Variants in ASXL3 observed in about 807,000 individuals in gnomAD.
ASXL3 encodes ASXL transcriptional regulator 3.
In ASXL3, 34 loss-of-function variants were observed where a neutral mutation model predicts 170.6. The observed-to-expected ratio is 0.20, with a 90% confidence interval of 0.15 to 0.27. The LOEUF (loss-of-function observed/expected upper bound fraction) is 0.27, where lower values mean the gene tolerates loss of function less well. ASXL3 is among the 10% of genes least tolerant of loss of function. The pLI, the probability that ASXL3 is intolerant of heterozygous loss-of-function variation, is 1.00. For missense variants in ASXL3, 2,592 were observed against 2,695.3 expected (o/e 0.96, Z 0.85); for synonymous variants, 1,002 against 989.1 (o/e 1.01, Z -0.24).
At chr18:33,613,747 C>A (rs2065374936) in intron 2 of ASXL3, among the ~76,000 whole-genome samples, 1 of 152,030 alleles carries the variant, frequency 6.6e-6, no homozygotes, top group Non-Finnish European at 1.5e-5. Context: ...CAGAAACAGA[C>A]CCTGTTTCTA....
chr18:33,579,828 G>C (rs1045956459), intron 1 of ASXL3, among the ~76,000 whole-genome samples: 2 of 152,056 alleles, frequency 1.3e-5, no homozygotes, highest in African/African-American at 2.4e-5. Flanking sequence ...GTTTTGGGAG[G>C]GGGGAGCAGG....
At chr18:33,727,188 G>A (rs981263424) in intron 8 of ASXL3, among the ~76,000 whole-genome samples, 12 of 151,870 alleles carry the variant, frequency 7.9e-5, no homozygotes, top group Admixed American at 7.2e-4. Flanking sequence ...TCGGTGCACC[G>A]TTATTATTTA....
At chr18:33,657,703 T>A (rs2066105255) in intron 4 of ASXL3, among the ~76,000 whole-genome samples, 1 of 152,152 alleles carries the variant, frequency 6.6e-6, no homozygotes, top group African/African-American at 2.4e-5. Flanking sequence ...ATCTCCCACC[T>A]CCTTTTGCTC....
Position 33,734,291 on chromosome 18 carries a change from A to G in ASXL3, c.977-19A>G. ...AGATGTGACCACATTTATTCAATAC[A>G]TTAGCATTTTCTTTTTAGGAGAGTT... On this transcript the variant is annotated intron_variant, in intron 9 of 11. Coordinates refer to ENST00000269197, the MANE Select transcript of ASXL3 (RefSeq NM_030632.3). 1 of 1,546,286 alleles carries G rather than the reference A, an allele frequency of 6.5e-7. No individual in the cohort carries two copies. Among genetic ancestry groups the G allele is most frequent in the Non-Finnish European group, 8.8e-7 (1 of 1,135,482 alleles).
intron 8 of ASXL3, among the ~76,000 whole-genome samples, chr18:33,686,697 T>C (rs1349039707): frequency 1.3e-5 from 2 of 152,184 alleles, no homozygotes; most frequent in Non-Finnish European, 2.9e-5. Flanking sequence ...GGGAATATAG[T>C]CTACAACCTT....
intron 8 of ASXL3, among the ~76,000 whole-genome samples, chr18:33,706,831 A>G (rs1341520816): frequency 2.0e-5 from 3 of 151,688 alleles, no homozygotes; most frequent in Admixed American, 1.3e-4. Context: ...ATTTTAATGT[A>G]CTCCAATTTG....
intron 7 of ASXL3, among the ~76,000 whole-genome samples, chr18:33,676,149 G>C (rs573596754): frequency 6.8e-6 from 1 of 147,344 alleles, no homozygotes; most frequent in African/African-American, 2.5e-5. Context: ...GCGTGAACCC[G>C]GGAGGCGGAG....
chr18:33,633,019 C>T (rs1002883277), intron 2 of ASXL3, among the ~76,000 whole-genome samples: 2 of 152,204 alleles, frequency 1.3e-5, no homozygotes, highest in South Asian at 2.1e-4. Context: ...TCTGGAATCA[C>T]GTTCCTGCAC....
chr18:33,649,007 G>A (rs1312344296), intron 4 of ASXL3, among the ~76,000 whole-genome samples: 1 of 152,022 alleles, frequency 6.6e-6, no homozygotes, highest in Non-Finnish European at 1.5e-5. Context: ...GATAATGAGA[G>A]GAGAGGAATT....
chr18:33,599,126 A>G (rs1274160900), intron 1 of ASXL3, among the ~76,000 whole-genome samples: 3 of 152,174 alleles, frequency 2.0e-5, no homozygotes, highest in Non-Finnish European at 4.4e-5. Flanking sequence ...TGTATTGTTA[A>G]ACAGATGACT....
intron 8 of ASXL3, among the ~76,000 whole-genome samples, chr18:33,696,806 A>G (rs1411641076): frequency 6.6e-6 from 1 of 152,134 alleles, no homozygotes; most frequent in Non-Finnish European, 1.5e-5. Context: ...TCCAAAGCCT[A>G]ACTGACCTGC....
intron 2 of ASXL3, chr18:33,626,773 T>C (rs1402495602): frequency 6.6e-6 from 1 of 152,106 alleles, no homozygotes; most frequent in Non-Finnish European, 1.5e-5. Flanking sequence ...ATATATAGGA[T>C]TGGTTAAGCA....
intron 1 of ASXL3, among the ~76,000 whole-genome samples, chr18:33,596,020 T>C (rs886310407): frequency 1.3e-5 from 2 of 152,136 alleles, no homozygotes; most frequent in African/African-American, 2.4e-5. Context: ...TGTCAATTCA[T>C]TGTCTTCTTT....
At chr18:33,642,407 A>C (rs1305247940) in intron 2 of ASXL3, among the ~76,000 whole-genome samples, 1 of 151,954 alleles carries the variant, frequency 6.6e-6, no homozygotes, top group Non-Finnish European at 1.5e-5. Context: ...AAAACGGACC[A>C]GAATAACTAG....
chr18:33,623,246 A>G (rs2065544678), intron 2 of ASXL3, among the ~76,000 whole-genome samples: 1 of 152,178 alleles, frequency 6.6e-6, no homozygotes, highest in South Asian at 2.1e-4. Context: ...GCAGTATCTA[A>G]TAAACTCTCT....
rs766449537 is a variant in ASXL3 at position 33,745,099 on chromosome 18, A to G, written c.5251A>G (p.Thr1751Ala). ...SSVEANNPLV[T>A]QLLQGNLPLE... The stretch of plus-strand genomic sequence containing the variant: ...TGTGGAGGCTAACAATCCGCTGGTG[A>G]CGCAGTTACTACAGGGCAACCTGCC... Residue 1751 changes from threonine (T) to alanine (A), a missense_variant, in exon 12 of 12, where the codon ACG becomes GCG. By Grantham distance (58) the Thr-to-Ala change is moderately conservative. This residue lies in a region of ASXL3 where 2,246 missense variants were observed against 2,219.6 expected (regional missense o/e 1.01). Coordinates refer to ENST00000269197, the MANE Select transcript of ASXL3 (RefSeq NM_030632.3). 9.9e-6 allele frequency: 16 copies of G among 1,614,012 alleles called. No individual in the cohort carries two copies. In the East Asian group the frequency reaches 3.6e-4, roughly 36 times the overall value.
chr18:33,705,783 C>T (rs1376270969), intron 8 of ASXL3, among the ~76,000 whole-genome samples: 1 of 151,872 alleles, frequency 6.6e-6, no homozygotes, highest in Non-Finnish European at 1.5e-5. Flanking sequence ...TAAGTGCCCA[C>T]CTGATAGCTG....
chr18:33,669,357 C>G (rs987299250), intron 5 of ASXL3, among the ~76,000 whole-genome samples: 1 of 152,046 alleles, frequency 6.6e-6, no homozygotes, highest in African/African-American at 2.4e-5. Flanking sequence ...TACCTGGGTA[C>G]TTTATGAAAA....
intron 8 of ASXL3, among the ~76,000 whole-genome samples, chr18:33,701,528 A>G (rs2066873986): frequency 6.6e-6 from 1 of 151,872 alleles, no homozygotes; most frequent in Non-Finnish European, 1.5e-5. Context: ...ATTCCTTACT[A>G]TTTTGTTCTT....
Sources: gnomAD v4.1 joint callset for allele counts (sites outside exome capture counted in the v4.1 genomes callset) on GRCh38, gnomAD v4.1.1 for gene constraint, gnomAD v4.1.1 regional missense constraint, MANE v1.5 for transcripts, NCBI Gene and HGNC (gene_info 2026-07-23, HGNC 2026-07-21) for gene names.